The following SPON1 variants were observed in gnomAD, a reference collection of about 807,000 sequenced individuals.
The protein encoded by SPON1 is spondin-1.
SPON1 carries 52 observed loss-of-function variants against 111.7 expected under a neutral mutation model. The observed-to-expected ratio is 0.47, with a 90% CI of 0.37 to 0.59. The LOEUF (loss-of-function observed/expected upper bound fraction) is 0.59, where lower values mean the gene tolerates loss of function less well. SPON1 is among the 20% of genes least tolerant of loss of function. SPON1 has a pLI of 0.00. For missense variants in SPON1, 957 were observed against 1,068.5 expected, an observed-to-expected ratio of 0.90 and a Z score of 1.46; for synonymous variants, 410 against 395.8, an observed-to-expected ratio of 1.04 and a Z score of -0.43.
intron 3 of SPON1, among the ~76,000 whole-genome samples, chr11:14,043,525 T>A (rs1266163719): frequency 3.3e-5 from 5 of 152,206 alleles, no homozygotes; most frequent in African/African-American, 1.2e-4. Flanking sequence ...TATTGTCTGT[T>A]AGTATTTTCA....
chr11:14,125,198 G>T (rs1847441053), intron 5 of SPON1, among the ~76,000 whole-genome samples: 2 of 152,210 alleles, frequency 1.3e-5, no homozygotes, highest in African/African-American at 4.8e-5. Flanking sequence ...AATTCAAAGT[G>T]TCAGAAACCA....
rs147449332 is a variant in SPON1, at chr11:14,177,763, A to G, written c.825+42195A>G. Among the ~76,000 whole-genome samples the G allele has an allele frequency of 3.1e-3, 470 of 152,300 alleles. 2 individuals carry two copies. The highest frequency in any genetic ancestry group is 0.01 in the African/African-American group (429 of 41,556). On this transcript the variant is annotated intron_variant, in intron 6 of 15. Transcript: ENST00000576479. ...CTGTTATCGTCTTTGTTTAAACTAT[A>G]GACTATAAGCTAAGTTTCTCCCAAA...
chr11:14,027,680 C>A (rs929965421), intron 2 of SPON1, among the ~76,000 whole-genome samples: 3 of 152,108 alleles, frequency 2.0e-5, no homozygotes, highest in Admixed American at 2.0e-4. Flanking sequence ...ACTACTCAGG[C>A]GGAGCAGGAT....
intron 5 of SPON1, among the ~76,000 whole-genome samples, chr11:14,105,000 C>T (rs1330305608): frequency 6.6e-6 from 1 of 152,060 alleles, no homozygotes; most frequent in Non-Finnish European, 1.5e-5. Flanking sequence ...TAGCTCCTTG[C>T]AGAATGTTTT....
chr11:14,242,368 A>G (rs547717348), intron 6 of SPON1, among the ~76,000 whole-genome samples: 2 of 152,316 alleles, frequency 1.3e-5, no homozygotes, highest in Admixed American at 6.5e-5. Flanking sequence ...TCAGTTGGCA[A>G]CAAAGCCCTT....
Position 14,228,817 on chromosome 11 carries a change from T to A in SPON1, c.826-14515T>A, listed in dbSNP as rs1330046704. 3.3e-5 allele frequency among the ~76,000 whole-genome samples: 5 copies of A among 152,194 alleles called. No homozygotes were observed. The highest frequency in any genetic ancestry group is 6.5e-5 in the Admixed American group (1 of 15,284). ...ACCGTGAGATGTGAAAACAAATGCA[T>A]CCCAGCCACTGAACTGCCTGGTGAT... On this transcript the variant is annotated intron_variant, in intron 6 of 15. Transcript: ENST00000576479. The surrounding 1 kb of genome is among the most constrained non-coding windows in gnomAD (Gnocchi z 4.2).
intron 2 of SPON1, among the ~76,000 whole-genome samples, chr11:14,004,426 G>T (rs1316742003): frequency 2.0e-5 from 3 of 151,780 alleles, no homozygotes; most frequent in Non-Finnish European, 4.4e-5. Context: ...TTCCACCATG[G>T]CTATACCAAT....
intron 2 of SPON1, among the ~76,000 whole-genome samples, chr11:13,997,969 A>G (rs1848286608): frequency 6.6e-6 from 1 of 152,176 alleles, no homozygotes; most frequent in Non-Finnish European, 1.5e-5. Context: ...CGTATACTTT[A>G]ACTTTCTTCC....
chr11:14,041,626 C>A lies in SPON1; in HGVS notation c.451C>A (p.Pro151Thr), dbSNP rs781977715. The A allele has an allele frequency of 6.2e-7, 1 of 1,613,836 alleles. No individual in the cohort carries two copies. Among genetic ancestry groups the A allele is most frequent in the Non-Finnish European group, 8.5e-7 (1 of 1,179,834 alleles). The change falls in exon 3 of 16, where the codon CCA becomes ACA. Residue 151 changes from proline to threonine, a missense_variant. Physicochemically the swap from Pro to Thr is conservative, Grantham distance 38 (BLOSUM62 -1). Around this residue, in one of 5 missense-constraint regions of SPON1, gnomAD observed 262 missense variants for 253.9 expected, o/e 1.03. Transcript: ENST00000576479. ...TRIQVFWIAP[P>T]AGTGCVILKA... ...GATCCAGGTGTTTTGGATAGCACCA[C>A]CAGCGGGAACAGGCTGCGTGATTCT...
At chr11:14,010,387 C>T (rs1554913582) in intron 2 of SPON1, among the ~76,000 whole-genome samples, 1 of 151,762 alleles carries the variant, frequency 6.6e-6, no homozygotes, top group African/African-American at 2.4e-5. Flanking sequence ...AAGGAAGACC[C>T]ACAGATTAAA....
At chr11:14,134,910 A>G (rs551398155) in intron 5 of SPON1, 1 of 152,416 alleles carries the variant, frequency 6.6e-6, no homozygotes, top group African/African-American at 2.4e-5. Flanking sequence ...TTTCCCCTTG[A>G]CAGTTTGTGA....
At chr11:14,079,715 C>T (rs1554921857) in intron 4 of SPON1, among the ~76,000 whole-genome samples, 184 bp from the exon 5 acceptor site, 1 of 150,320 alleles carries the variant, frequency 6.7e-6, no homozygotes, top group Non-Finnish European at 1.5e-5. Context: ...CAAAATATTA[C>T]CATACTTAGA....
intron 2 of SPON1, among the ~76,000 whole-genome samples, chr11:14,005,791 C>G (rs1296533962): frequency 6.6e-6 from 1 of 152,152 alleles, no homozygotes; most frequent in African/African-American, 2.4e-5. Context: ...GGCTTCTGGA[C>G]TTAGGGTCAT....
chr11:14,159,704 TAAG>T (rs1554930731), intron 6 of SPON1, among the ~76,000 whole-genome samples: 1 of 151,944 alleles, frequency 6.6e-6, no homozygotes, highest in East Asian at 1.9e-4. Context: ...TATTCAGCCA[TAAG>T]AAGAATGAGA....
At chr11:14,058,045 A>AG (rs1848760924) in intron 3 of SPON1, among the ~76,000 whole-genome samples, 3 of 151,920 alleles carry the variant, frequency 2.0e-5, no homozygotes, top group Admixed American at 1.3e-4. Context: ...CGGCAAAATC[A>AG]GGGGGTGTTG....
intron 5 of SPON1, among the ~76,000 whole-genome samples, chr11:14,105,997 G>A (rs183960736): frequency 4.1e-4 from 62 of 152,142 alleles, no homozygotes; most frequent in Admixed American, 1.3e-3. Context: ...CTGCTGGTTG[G>A]CAGTTTAAAG....
At chr11:14,161,159 A>G (rs1390453060) in intron 6 of SPON1, among the ~76,000 whole-genome samples, 2 of 65,256 alleles carry the variant, frequency 3.1e-5, no homozygotes, top group African/African-American at 1.3e-4. Flanking sequence ...TATATATTTT[A>G]TATATATCTA....
At chr11:14,168,207 TCAAA>T (rs1308809242) in intron 6 of SPON1, among the ~76,000 whole-genome samples, 1 of 152,156 alleles carries the variant, frequency 6.6e-6, no homozygotes, top group Admixed American at 6.6e-5. Context: ...TTTTCAAAAG[TCAAA>T]CAGTTTGACC....
intron 3 of SPON1, among the ~76,000 whole-genome samples, chr11:14,044,569 G>A (rs559430602): frequency 2.0e-5 from 3 of 152,150 alleles, no homozygotes; most frequent in African/African-American, 7.2e-5. Context: ...CCGAGACTGT[G>A]CCACCGCACT....
Sources: gnomAD v4.1 joint callset for allele counts (sites outside exome capture counted in the v4.1 genomes callset) on GRCh38, gnomAD v4.1.1 for gene constraint, gnomAD v4.1.1 regional missense constraint, Gnocchi (gnomAD v3.1) non-coding constraint, MANE v1.5 for transcripts, NCBI Gene and HGNC (gene_info 2026-07-23, HGNC 2026-07-21) for gene names.